Variants in HCRTR2 observed in about 807,000 individuals in gnomAD.
HCRTR2 encodes orexin receptor type 2.
Under a neutral mutation model 49.0 loss-of-function variants are expected in HCRTR2, and 22 were observed. That is an observed-to-expected ratio of 0.45 (90% CI 0.32 to 0.64). The LOEUF is 0.64. Among genes scored for constraint, HCRTR2 ranks in the 30% least tolerant of loss-of-function variants. The pLI is 0.04. For synonymous variants in HCRTR2, 236 were observed against 205.3 expected, an observed-to-expected ratio of 1.15 and a Z score of -1.28; for missense variants, 491 against 559.4, an observed-to-expected ratio of 0.88 and a Z score of 1.23.
intron 4 of HCRTR2, among the ~76,000 whole-genome samples, chr6:55,270,155 C>A (rs1216778715): frequency 6.6e-6 from 1 of 151,992 alleles, no homozygotes; most frequent in Non-Finnish European, 1.5e-5. Flanking sequence ...TAAAAAGATG[C>A]ATTTATTAAA....
intron 1 of HCRTR2, among the ~76,000 whole-genome samples, chr6:55,187,576 T>C (rs1448353786): frequency 6.6e-6 from 1 of 151,906 alleles, no homozygotes; most frequent in African/African-American, 2.4e-5. Context: ...ATGGGCTTCT[T>C]GGAGTTGTTA....
At chr6:55,228,882 A>G (rs1031282522) in intron 1 of HCRTR2, among the ~76,000 whole-genome samples, 5 of 152,240 alleles carry the variant, frequency 3.3e-5, no homozygotes, top group African/African-American at 1.2e-4. Context: ...AAATGACTTA[A>G]CCAAAACTAG....
chr6:55,137,292 G>T (rs1351300830), intron 1 of HCRTR2, among the ~76,000 whole-genome samples: 3 of 152,142 alleles, frequency 2.0e-5, no homozygotes, highest in Admixed American at 2.0e-4. Flanking sequence ...AGTGCAAACA[G>T]CCTGAAAGGC....
chr6:55,216,295 G>C (rs1383092693), intron 1 of HCRTR2, among the ~76,000 whole-genome samples: 1 of 152,040 alleles, frequency 6.6e-6, no homozygotes, highest in African/African-American at 2.4e-5. Flanking sequence ...CATAATTTAT[G>C]TCCTTATCAT....
intron 5 of HCRTR2, among the ~76,000 whole-genome samples, chr6:55,278,702 A>C (rs1767127045): frequency 6.7e-6 from 1 of 148,772 alleles, no homozygotes; most frequent in Admixed American, 6.8e-5. Flanking sequence ...TGCCCTCCAT[A>C]TCTTTTTGTG....
At chr6:55,204,623 G>A (rs2127286963) in intron 1 of HCRTR2, among the ~76,000 whole-genome samples, 1 of 152,266 alleles carries the variant, frequency 6.6e-6, no homozygotes, top group African/African-American at 2.4e-5. Flanking sequence ...TGAAGACACA[G>A]CCAAGAGGTT....
intron 1 of HCRTR2, among the ~76,000 whole-genome samples, chr6:55,132,858 T>G (rs903531274): frequency 6.6e-6 from 1 of 151,702 alleles, no homozygotes; most frequent in Admixed American, 6.6e-5. Flanking sequence ...TGAATCATTC[T>G]TTGGGGAAAA....
chr6:55,203,877 T>C (rs2127286396), intron 1 of HCRTR2, among the ~76,000 whole-genome samples: 1 of 152,212 alleles, frequency 6.6e-6, no homozygotes, highest in South Asian at 2.1e-4. Context: ...CTTAAGGTTT[T>C]TTTTTTTCCT....
At chr6:55,205,607 T>G (rs1765586923) in intron 1 of HCRTR2, among the ~76,000 whole-genome samples, 1 of 152,000 alleles carries the variant, frequency 6.6e-6, no homozygotes, top group South Asian at 2.1e-4. Context: ...TTGAAGACAT[T>G]TATACTGACA....
intron 1 of HCRTR2, among the ~76,000 whole-genome samples, chr6:55,178,617 T>C (rs1482575848): frequency 2.0e-4 from 31 of 152,230 alleles, no homozygotes; most frequent in Admixed American, 2.0e-3. Context: ...GCTTCTGCCT[T>C]CATGGGCCAG....
chr6:55,269,978 C>A (rs1562028773), intron 4 of HCRTR2, among the ~76,000 whole-genome samples: 1 of 152,042 alleles, frequency 6.6e-6, no homozygotes, highest in Non-Finnish European at 1.5e-5. Context: ...AAAAAAAATT[C>A]TTCAGCATAA....
chr6:55,275,482 T>C (rs761485901), intron 4 of HCRTR2, among the ~76,000 whole-genome samples: 7 of 152,150 alleles, frequency 4.6e-5, no homozygotes, highest in Non-Finnish European at 1.0e-4. Context: ...GAAATTTATG[T>C]GTCCTCAAAA....
intron 1 of HCRTR2, among the ~76,000 whole-genome samples, chr6:55,247,146 G>T (rs1766460875): frequency 6.6e-6 from 1 of 151,808 alleles, no homozygotes; most frequent in African/African-American, 2.4e-5. Context: ...GTGTGTGTGT[G>T]AATATGTGTG....
intron 1 of HCRTR2, among the ~76,000 whole-genome samples, chr6:55,160,531 A>G (rs986064181): frequency 2.6e-5 from 4 of 152,218 alleles, no homozygotes; most frequent in East Asian, 3.8e-4. Context: ...ATTAAGAGAC[A>G]CAGACTGGCA....
At chr6:55,128,011 G>A (rs1764305295) in intron 1 of HCRTR2, among the ~76,000 whole-genome samples, 1 of 152,150 alleles carries the variant, frequency 6.6e-6, no homozygotes. Context: ...CCTATGCCCT[G>A]AATGGTATTG....
At position 55,235,917 on chromosome 6, in the gene HCRTR2, T is replaced by C. The variant is rs116186446; in HGVS notation, c.224-12722T>C. Among the ~76,000 whole-genome samples, 630 of 152,220 alleles carry C rather than the reference T, an allele frequency of 4.1e-3. 7 individuals are homozygous for C. The highest frequency in any genetic ancestry group is 0.014 in the African/African-American group (598 of 41,572). On this transcript the variant is annotated intron_variant, in intron 1 of 6. Coordinates refer to ENST00000370862, the MANE Select transcript of HCRTR2 (RefSeq NM_001384272.1). Reference sequence around the variant, plus strand: ...TACTGTTTTGTTTACTGACACTTTGTATTAATATTTGATAGCTAATGTAAA... The same window carrying C: ...TACTGTTTTGTTTACTGACACTTTGCATTAATATTTGATAGCTAATGTAAA...
intron 2 of HCRTR2, among the ~76,000 whole-genome samples, chr6:55,250,983 C>T (rs1766539384): frequency 2.0e-5 from 3 of 152,238 alleles, no homozygotes; most frequent in South Asian, 2.1e-4. Flanking sequence ...ACAGGTAAAA[C>T]TAGTATCTCC....
intron 1 of HCRTR2, among the ~76,000 whole-genome samples, chr6:55,180,960 C>T (rs1364867421): frequency 2.3e-5 from 3 of 131,596 alleles, no homozygotes; most frequent in Admixed American, 8.0e-5. Context: ...CCACCATGCC[C>T]AGCTATTTTT....
chr6:55,127,199 G>C (rs895061557), intron 1 of HCRTR2, among the ~76,000 whole-genome samples: 1 of 152,120 alleles, frequency 6.6e-6, no homozygotes, highest in Non-Finnish European at 1.5e-5. Context: ...GGCCCTGGTG[G>C]GGTAGGCACC....
Sources: gnomAD v4.1 joint callset for allele counts (sites outside exome capture counted in the v4.1 genomes callset) on GRCh38, gnomAD v4.1.1 for gene constraint, MANE v1.5 for transcripts, NCBI Gene and HGNC (gene_info 2026-07-23, HGNC 2026-07-21) for gene names.